Variants in ECRG4 observed in about 807,000 individuals in gnomAD.
The protein encoded by ECRG4 is ECRG4 augurin precursor.
A neutral mutation model predicts 15.8 loss-of-function variants in ECRG4; 18 were observed. That is an observed-to-expected ratio of 1.14 (90% CI 0.79 to 1.69). The LOEUF is 1.69. Among genes scored for constraint, ECRG4 ranks in the 40% most tolerant of loss-of-function variants. ECRG4 has a pLI of 0.00. For synonymous variants in ECRG4, 82 were observed against 73.9 expected (o/e 1.11, Z -0.56); for missense variants, 200 against 190.9 (o/e 1.05, Z -0.28).
intron 1 of ECRG4, chr2:106,070,755 G>A (rs1043636752): frequency 1.1e-4 from 34 of 305,634 alleles, no homozygotes; most frequent in Admixed American, 4.1e-5. Context: ...ACTGTGCCTT[G>A]GCAGATGCAA....
At chr2:106,063,625 C>G (rs1475410498), upstream of ECRG4, among the ~76,000 whole-genome samples, 3 of 152,210 alleles carry the variant, frequency 2.0e-5, no homozygotes, top group Admixed American at 6.5e-5. Context: ...CTTTGTCACC[C>G]AGGCTGGAGT....
intron 1 of ECRG4, among the ~76,000 whole-genome samples, chr2:106,069,356 TAG>T (rs1491111762): frequency 6.7e-6 from 1 of 148,810 alleles, no homozygotes; most frequent in African/African-American, 2.5e-5. Context: ...TTTTCTGAGA[TAG>T]AGTCTCACTC....
intron 3 of ECRG4, among the ~76,000 whole-genome samples, chr2:106,077,387 T>C (rs958651491): frequency 6.6e-6 from 1 of 152,048 alleles, no homozygotes; most frequent in African/African-American, 2.4e-5. Context: ...AGGAATGGGG[T>C]AGGAAGATAA....
At chr2:106,071,819 T>C (rs1249746235) in intron 1 of ECRG4, 25 bp from the exon 2 acceptor site, 27 of 1,606,098 alleles carry the variant, frequency 1.7e-5, no homozygotes, top group South Asian at 2.2e-5. Flanking sequence ...AACTCTGATA[T>C]GGATTTCAAT....
Position 106,065,849 on chromosome 2 carries a change from CG to C in ECRG4, c.79+10del. The C allele has an allele frequency of 6.8e-7, 1 of 1,477,058 alleles. No individual in the cohort carries two copies. 91.5% of individuals were successfully genotyped at this position (1,477,058 alleles called of 1,614,324 possible). A position where few individuals can be genotyped will look rare whatever the true frequency, so the allele number is the denominator to read the frequency against. On this transcript the variant is annotated splice_region_variant and intron_variant, in intron 1 of 3. Transcript: ENST00000238044. ...GCTCCTGTGCTGGGGCCCAGGTGAGCGGGGCGATGCCAGGCTGATTGATAGC... is the reference window on the plus strand; with the variant it reads ...GCTCCTGTGCTGGGGCCCAGGTGAGCGGGCGATGCCAGGCTGATTGATAGC...
In ECRG4 at chr2:106,065,775, C is replaced by T. The variant is rs921170069; in HGVS notation, c.11C>T (p.Ser4Phe). 2 of 1,482,840 alleles carry T rather than the reference C, an allele frequency of 1.3e-6. No homozygotes were observed. Among genetic ancestry groups the T allele is most frequent in the African/African-American group, 1.5e-5 (1 of 68,292 alleles). 91.9% of individuals were successfully genotyped at this position (1,482,840 alleles called of 1,614,324 possible). MAA[S>F]PARPAVLALT... ...TCGCGCCCCGCCGCCATGGCTGCCTCCCCCGCGCGGCCTGCTGTCCTGGCC... is the reference window on the plus strand; with the variant it reads ...TCGCGCCCCGCCGCCATGGCTGCCTTCCCCGCGCGGCCTGCTGTCCTGGCC... The change falls in exon 1 of 4, where the codon TCC becomes TTC. Residue 4 changes from serine to phenylalanine, a missense_variant. Physicochemically the swap from Ser to Phe is radical, Grantham distance 155. Transcript: ENST00000238044.
chr2:106,067,574 A>T (rs1352253735), intron 1 of ECRG4, among the ~76,000 whole-genome samples: 2 of 151,540 alleles, frequency 1.3e-5, no homozygotes, highest in Non-Finnish European at 2.9e-5. Context: ...GGTTCAAGCG[A>T]TTCTCCTACC....
chr2:106,075,698 G>C (rs1434359213), intron 3 of ECRG4, among the ~76,000 whole-genome samples: 1 of 151,908 alleles, frequency 6.6e-6, no homozygotes, highest in Non-Finnish European at 1.5e-5. Flanking sequence ...CTCCAGCCTG[G>C]GCAACAGAAT....
In ECRG4 at chr2:106,077,845, C is replaced by G. The variant is rs1174289528; in HGVS notation, c.366C>G (p.His122Gln). 1 of 1,614,120 alleles carries G rather than the reference C, an allele frequency of 6.2e-7. No individual in the cohort carries two copies. Reference sequence around the variant, plus strand: ...ACTATGGCGATTACTACCAACGTCACTATGATGAAGACTCTGCAATTGGTC... The same window carrying G: ...ACTATGGCGATTACTACCAACGTCAGTATGATGAAGACTCTGCAATTGGTC... ...HEYYGDYYQR[H>Q]YDEDSAIGPR... Residue 122 changes from histidine (H) to glutamine (Q), a missense_variant, in exon 4 of 4, where the codon CAC becomes CAG. Transcript: ENST00000238044.
chr2:106,073,451 T>C (rs902466158), intron 2 of ECRG4, among the ~76,000 whole-genome samples: 2 of 152,174 alleles, frequency 1.3e-5, no homozygotes, highest in African/African-American at 2.4e-5. Context: ...CATAATCTCC[T>C]GAGCCAAGCA....
intron 1 of ECRG4, among the ~76,000 whole-genome samples, chr2:106,069,203 TTTTA>T (rs1392286462): frequency 6.7e-6 from 1 of 149,830 alleles, no homozygotes; most frequent in African/African-American, 2.5e-5. Flanking sequence ...CTTCTTTCTT[TTTTA>T]TTTTCTTTTC....
intron 1 of ECRG4, among the ~76,000 whole-genome samples, chr2:106,067,074 GGC>G (rs1676238955): frequency 2.2e-5 from 2 of 90,384 alleles, no homozygotes; most frequent in African/African-American, 4.2e-5. Context: ...GGGGGGGGGG[GGC>G]AGATCACCTG....
At position 106,078,010 on chromosome 2, in the gene ECRG4, A is replaced by C; in HGVS notation, c.*84A>C. 1.5e-6 allele frequency: 2 copies of C among 1,320,214 alleles called. No homozygotes were observed. The highest frequency in any genetic ancestry group is 2.0e-6 in the Non-Finnish European group (2 of 982,810). 81.8% of individuals were successfully genotyped at this position (1,320,214 alleles called of 1,614,324 possible). On this transcript the variant is annotated 3_prime_UTR_variant, in exon 4 of 4. Coordinates refer to ENST00000238044, the MANE Select transcript of ECRG4 (RefSeq NM_032411.3). Reference sequence around the variant, plus strand: ...AATGCCTTACACTACTTGGTTTCTGATTTGCTCTATTTCAGCAGATCTTTT... The same window carrying C: ...AATGCCTTACACTACTTGGTTTCTGCTTTGCTCTATTTCAGCAGATCTTTT...
rs935917441 is a variant in ECRG4, at chr2:106,073,692, CACTT to C, written c.128-190_128-187del. ...CCCTTTATAGGGTTGTACCAAATAA[CACTT>C]ACTAACAGGAAGCATGGTGACAGAA... On this transcript the variant is annotated intron_variant, in intron 2 of 3. Transcript: ENST00000238044. 82 of 680,000 alleles carry C rather than the reference CACTT, an allele frequency of 1.2e-4. 1 individual carries two copies. The Middle Eastern group carries it at 1.9e-3, about 16-fold the overall frequency. The allele number at this position is 680,000 out of a possible 1,614,324, so 42.1% of individuals were successfully genotyped here.
rs11904431 is a variant in ECRG4 at position 106,069,963 on chromosome 2, A to G, written c.80-1881A>G. Among the ~76,000 whole-genome samples the G allele has an allele frequency of 7.7e-3, 1,172 of 152,302 alleles. 16 individuals carry two copies. The highest frequency in any genetic ancestry group is 0.027 in the African/African-American group (1,102 of 41,552). ...CAACAAAAACCACTGCAGCTCTCCC[A>G]CAGGCTGCTATGCACTACGCCGATA... On this transcript the variant is annotated intron_variant, in intron 1 of 3. Transcript: ENST00000238044.
At chr2:106,071,368 AAAG>A (rs1676368748) in intron 1 of ECRG4, among the ~76,000 whole-genome samples, 2 of 149,244 alleles carry the variant, frequency 1.3e-5, no homozygotes, top group South Asian at 4.2e-4. Flanking sequence ...AAAGAAAAGA[AAAG>A]AAAATAAAAA....
chr2:106,076,054 G>A (rs984188050), intron 3 of ECRG4, among the ~76,000 whole-genome samples: 3 of 152,158 alleles, frequency 2.0e-5, no homozygotes, highest in East Asian at 1.9e-4. Flanking sequence ...AGTGGCTCAC[G>A]CCTGTAATCC....
intron 1 of ECRG4, among the ~76,000 whole-genome samples, chr2:106,066,306 G>A (rs980411870): frequency 2.0e-5 from 3 of 152,236 alleles, no homozygotes; most frequent in African/African-American, 7.2e-5. Context: ...GCAAAGCTGG[G>A]CACAGGCCTC....
chr2:106,065,733 G>A lies in ECRG4; in HGVS notation c.-32G>A, dbSNP rs909182800. On this transcript the variant is annotated 5_prime_UTR_variant, in exon 1 of 4. Coordinates refer to ENST00000238044, the MANE Select transcript of ECRG4 (RefSeq NM_032411.3). ...TCTCCCTCGCAGCACCTCGAAGTGC[G>A]CCCCTCGCCCTCCTGCTCGCGCCCC... The A allele has an allele frequency of 2.1e-6, 3 of 1,454,902 alleles. No homozygotes were observed. The highest frequency in any genetic ancestry group is 1.5e-5 in the African/African-American group (1 of 67,580). The allele number at this position is 1,454,902 out of a possible 1,614,324, so 90.1% of individuals were successfully genotyped here.
Sources: allele counts gnomAD v4.1 joint callset (sites outside exome capture counted in the v4.1 genomes callset), GRCh38; gene constraint gnomAD v4.1.1; transcripts MANE v1.5; gene names NCBI Gene and HGNC (gene_info 2026-07-23, HGNC 2026-07-21).